The following MED13 variants were observed in gnomAD, a reference collection of about 807,000 sequenced individuals.
The protein encoded by MED13 is mediator of RNA polymerase II transcription subunit 13.
In MED13, 23 loss-of-function variants were observed where a neutral mutation model predicts 225.2. The observed-to-expected ratio is 0.10, with a 90% CI of 0.07 to 0.14. MED13 has a LOEUF of 0.14. Ranked by LOEUF, MED13 falls within the 10% of genes least tolerant of loss-of-function variation. MED13 has a pLI of 1.00. For synonymous variants in MED13, 942 were observed against 889.2 expected (o/e 1.06, Z -1.06); for missense variants, 2,197 against 2,594.5 (o/e 0.85, Z 3.33).
At chr17:62,041,628 G>A (rs2080853631) in intron 3 of MED13, among the ~76,000 whole-genome samples, 1 of 151,986 alleles carries the variant, frequency 6.6e-6, no homozygotes, top group African/African-American at 2.4e-5. Flanking sequence ...TCAGGCTGGA[G>A]TGCAGTGGCA....
At chr17:61,976,104 T>C (rs1040051546) in intron 16 of MED13, among the ~76,000 whole-genome samples, 7 of 152,186 alleles carry the variant, frequency 4.6e-5, no homozygotes, top group Non-Finnish European at 1.0e-4. Flanking sequence ...TATAAAAACT[T>C]GTACACAAAT....
intron 11 of MED13, among the ~76,000 whole-genome samples, chr17:61,991,039 T>TTAA (rs1357926388): frequency 6.6e-6 from 1 of 152,208 alleles, no homozygotes; most frequent in Non-Finnish European, 1.5e-5. Context: ...GGTGAAAACT[T>TTAA]TAAAACATTT....
At chr17:61,979,374 A>G (rs1462617049) in intron 16 of MED13, among the ~76,000 whole-genome samples, 1 of 152,160 alleles carries the variant, frequency 6.6e-6, no homozygotes, top group African/African-American at 2.4e-5. Context: ...CAGTGGTACA[A>G]TCATGGTTCA....
intron 14 of MED13, 135 bp downstream of exon 14, chr17:61,984,516 G>T: frequency 2.1e-6 from 2 of 938,994 alleles, no homozygotes; most frequent in Non-Finnish European, 3.1e-6. Context: ...ATTCTTAATA[G>T]TGACAACAAT....
chr17:61,987,004 C>T lies in MED13; in HGVS notation c.2385+3G>A, dbSNP rs2080253346. The T allele has an allele frequency of 6.5e-7, 1 of 1,538,198 alleles. No individual in the cohort carries two copies. Among genetic ancestry groups the T allele is most frequent in the Non-Finnish European group, 8.7e-7 (1 of 1,142,994 alleles). ...TAATCCTATTCATTAATGAGATACT[C>T]ACTGTTAGTTCATCTTCATCAGAAT... On this transcript the variant is annotated splice_donor_region_variant and intron_variant, in intron 12 of 29. Transcript: ENST00000397786.
intron 5 of MED13, 49 bp downstream of exon 5, chr17:62,033,738 A>G: frequency 6.5e-7 from 1 of 1,546,594 alleles, no homozygotes; most frequent in Non-Finnish European, 8.9e-7. Flanking sequence ...TATAACTAAC[A>G]CATACAATCA....
intron 8 of MED13, among the ~76,000 whole-genome samples, chr17:62,024,640 G>A (rs1366215057): frequency 6.6e-6 from 1 of 152,090 alleles, no homozygotes; most frequent in Non-Finnish European, 1.5e-5. Context: ...CATCACACAG[G>A]TATTAAAGGA....
At chr17:61,964,383 G>T (rs2080035084) in intron 20 of MED13, among the ~76,000 whole-genome samples, 1 of 152,026 alleles carries the variant, frequency 6.6e-6, no homozygotes, top group South Asian at 2.1e-4. Context: ...ACCAGCCAGG[G>T]CAACAGGGTG....
At chr17:61,970,106 T>A (rs969145012) in intron 17 of MED13, among the ~76,000 whole-genome samples, 4 of 152,216 alleles carry the variant, frequency 2.6e-5, no homozygotes, top group African/African-American at 9.6e-5. Flanking sequence ...GCTCTTTGCA[T>A]GTACTAACTC....
In MED13 at chr17:61,982,712, AAC is replaced by A; in HGVS notation, c.3289_3290del (p.Val1097LeufsTer24). ...CGGCACCCTTGATGTTCATGTTGCA[AAC>A]ACAGATGCAACAACTATCAAAGTTA... ...DCNFDSCCIC[V>X]CNMNIKGADV... On this transcript the variant is annotated frameshift_variant, in exon 16 of 30. Coordinates refer to ENST00000397786, the MANE Select transcript of MED13 (RefSeq NM_005121.3). LOFTEE classifies it high-confidence loss of function. 6.2e-7 allele frequency: 1 copy of A among 1,614,184 alleles called. No homozygotes were observed. Among genetic ancestry groups the A allele is most frequent in the East Asian group, 2.2e-5 (1 of 44,890 alleles).
intron 8 of MED13, among the ~76,000 whole-genome samples, chr17:62,027,924 G>T (rs1482964440): frequency 1.3e-5 from 2 of 152,130 alleles, no homozygotes; most frequent in Non-Finnish European, 2.9e-5. Flanking sequence ...AACAGATGCT[G>T]GCGAGGTTGA....
chr17:62,056,685 C>T (rs1162610614), intron 2 of MED13, among the ~76,000 whole-genome samples: 6 of 151,900 alleles, frequency 3.9e-5, no homozygotes, highest in Admixed American at 3.9e-4. Flanking sequence ...TGCTTGAGTC[C>T]AGGAGTCGGA....
intron 9 of MED13, among the ~76,000 whole-genome samples, chr17:62,000,574 A>C (rs2080386060): frequency 6.6e-6 from 1 of 152,164 alleles, no homozygotes; most frequent in South Asian, 2.1e-4. Flanking sequence ...GTGGAAAAAA[A>C]CCTAGGTATA....
chr17:61,974,753 T>C (rs961056182), intron 16 of MED13, among the ~76,000 whole-genome samples: 1 of 152,060 alleles, frequency 6.6e-6, no homozygotes, highest in Non-Finnish European at 1.5e-5. Context: ...TCAGAACCCT[T>C]CCATATACTA....
intron 17 of MED13, among the ~76,000 whole-genome samples, chr17:61,969,215 C>T (rs1235247309): frequency 6.6e-6 from 1 of 152,098 alleles, no homozygotes; most frequent in Non-Finnish European, 1.5e-5. Flanking sequence ...ATTAGCCGGG[C>T]ATGGTGGTGC....
intron 9 of MED13, among the ~76,000 whole-genome samples, chr17:62,001,526 T>A (rs1194675454): frequency 1.3e-5 from 2 of 152,178 alleles, no homozygotes; most frequent in Non-Finnish European, 2.9e-5. Flanking sequence ...CCCTCCATCA[T>A]CTCAAGGATA....
intron 8 of MED13, among the ~76,000 whole-genome samples, chr17:62,026,978 G>T (rs974776981): frequency 1.3e-5 from 2 of 152,186 alleles, no homozygotes; most frequent in Admixed American, 1.3e-4. Flanking sequence ...CTCATGGATA[G>T]GAAGAATCAA....
chr17:62,055,138 T>G (rs1161135563), intron 2 of MED13, among the ~76,000 whole-genome samples: 1 of 152,164 alleles, frequency 6.6e-6, no homozygotes, highest in Non-Finnish European at 1.5e-5. Context: ...CTCATGCCTG[T>G]AATCCCAGCA....
chr17:61,990,272 C>T (rs2080284291), intron 11 of MED13, among the ~76,000 whole-genome samples: 1 of 151,886 alleles, frequency 6.6e-6, no homozygotes, highest in South Asian at 2.1e-4. Flanking sequence ...CTTGATCTAC[C>T]CATTCCACTA....
Sources: allele counts gnomAD v4.1 joint callset (sites outside exome capture counted in the v4.1 genomes callset), GRCh38; gene constraint gnomAD v4.1.1; transcripts MANE v1.5; gene names NCBI Gene and HGNC (gene_info 2026-07-23, HGNC 2026-07-21).